Variants in GRM3 observed in about 807,000 individuals in gnomAD.
The protein encoded by GRM3 is metabotropic glutamate receptor 3.
Under a neutral mutation model 70.5 loss-of-function variants are expected in GRM3, and 26 were observed. The ratio of observed to expected loss-of-function variants is 0.37; its 90% CI spans 0.27 to 0.51. The LOEUF (loss-of-function observed/expected upper bound fraction) is 0.51. Ranked by LOEUF, GRM3 falls within the 20% of genes least tolerant of loss-of-function variation. GRM3 has a pLI of 0.93. For synonymous variants in GRM3, 443 were observed against 434.9 expected (o/e 1.02, Z -0.23); for missense variants, 859 against 1,123.8 (o/e 0.76, Z 3.37).
intron 1 of GRM3, among the ~76,000 whole-genome samples, chr7:86,750,567 G>A (rs1396796944): frequency 6.6e-6 from 1 of 151,920 alleles, no homozygotes; most frequent in Admixed American, 6.6e-5. Flanking sequence ...GAAGTGAATG[G>A]ATAAAATCAT....
intron 1 of GRM3, among the ~76,000 whole-genome samples, chr7:86,720,640 T>A (rs1795435747): frequency 6.6e-6 from 1 of 152,100 alleles, no homozygotes; most frequent in African/African-American, 2.4e-5. Flanking sequence ...TTACTACTTA[T>A]CCCCTTCTCA....
At chr7:86,840,838 A>C (rs1798544848) in intron 4 of GRM3, among the ~76,000 whole-genome samples, 2 of 152,278 alleles carry the variant, frequency 1.3e-5, no homozygotes, top group East Asian at 1.9e-4. Context: ...CAGTTGTAAA[A>C]ATCCTCAAAT....
chr7:86,842,708 A>G (rs1798580356), intron 4 of GRM3, among the ~76,000 whole-genome samples: 1 of 152,212 alleles, frequency 6.6e-6, no homozygotes, highest in Admixed American at 6.5e-5. Context: ...AATAAACATA[A>G]GGCATGATTC....
chr7:86,774,913 T>G (rs1422501307), intron 2 of GRM3, among the ~76,000 whole-genome samples: 1 of 152,158 alleles, frequency 6.6e-6, no homozygotes, highest in African/African-American at 2.4e-5. Flanking sequence ...GCATTAAGTC[T>G]ATATTACCTA....
intron 5 of GRM3, among the ~76,000 whole-genome samples, chr7:86,859,044 T>C (rs1798905053): frequency 6.6e-6 from 1 of 152,204 alleles, no homozygotes; most frequent in Non-Finnish European, 1.5e-5. Context: ...TGCAGTGACA[T>C]GATCCTAGCT....
chr7:86,734,972 T>C (rs1380165747), intron 1 of GRM3, among the ~76,000 whole-genome samples: 3 of 152,234 alleles, frequency 2.0e-5, no homozygotes, highest in Non-Finnish European at 2.9e-5. Flanking sequence ...AGGCTTATTA[T>C]TACTATTAGT....
intron 1 of GRM3, among the ~76,000 whole-genome samples, chr7:86,674,057 C>A (rs1056338735): frequency 2.6e-5 from 4 of 152,064 alleles, no homozygotes; most frequent in African/African-American, 9.7e-5. Flanking sequence ...ACACATTGCA[C>A]CAAAATGTAG....
chr7:86,710,717 A>C (rs1795178054), intron 1 of GRM3, among the ~76,000 whole-genome samples: 1 of 152,046 alleles, frequency 6.6e-6, no homozygotes, highest in South Asian at 2.1e-4. Context: ...CAACTCTAGT[A>C]AACAGTGTAT....
intron 1 of GRM3, among the ~76,000 whole-genome samples, chr7:86,667,827 C>T (rs943844113): frequency 1.3e-5 from 2 of 152,168 alleles, no homozygotes; most frequent in African/African-American, 2.4e-5. Flanking sequence ...GTAATACCAA[C>T]TAGCATGTCT....
chr7:86,756,205 A>C (rs1796340167), intron 1 of GRM3, among the ~76,000 whole-genome samples: 2 of 152,072 alleles, frequency 1.3e-5, no homozygotes, highest in African/African-American at 4.8e-5. Context: ...CAGCCTCCCA[A>C]GTAGCTGGGA....
chr7:86,661,379 A>T (rs2299211), intron 1 of GRM3, among the ~76,000 whole-genome samples: 14,688 of 152,020 alleles, frequency 0.097, 789 homozygotes, highest in South Asian at 0.17. Context: ...TCCTTCCCAG[A>T]AACTTTTACT....
chr7:86,679,801 G>T (rs1040166484), intron 1 of GRM3, among the ~76,000 whole-genome samples: 1 of 151,814 alleles, frequency 6.6e-6, no homozygotes, highest in Non-Finnish European at 1.5e-5. Context: ...GGGGAGGTTT[G>T]TTACCTAAAA....
chr7:86,850,177 T>A (rs985051108), intron 4 of GRM3, among the ~76,000 whole-genome samples, 193 bp from the exon 5 acceptor site: 1 of 152,166 alleles, frequency 6.6e-6, no homozygotes, highest in African/African-American at 2.4e-5. Context: ...TGCTTGCAAA[T>A]CCTAAGCAAT....
intron 1 of GRM3, among the ~76,000 whole-genome samples, chr7:86,689,063 T>A (rs918278528): frequency 2.5e-4 from 38 of 150,832 alleles, no homozygotes; most frequent in African/African-American, 8.9e-4. Flanking sequence ...ATCCTCATCC[T>A]GACAGATATT....
intron 1 of GRM3, among the ~76,000 whole-genome samples, chr7:86,729,687 T>A (rs539484634): frequency 3.7e-4 from 57 of 152,354 alleles, no homozygotes; most frequent in African/African-American, 1.3e-3. Flanking sequence ...ATTTGTATGT[T>A]CTTATAGAGT....
intron 1 of GRM3, among the ~76,000 whole-genome samples, chr7:86,760,269 T>C (rs983166292): frequency 2.6e-5 from 4 of 152,162 alleles, no homozygotes; most frequent in Admixed American, 2.6e-4. Context: ...TATTATCATA[T>C]GCAGAGTACA....
chr7:86,734,045 T>C (rs1198258470), intron 1 of GRM3, among the ~76,000 whole-genome samples: 1 of 152,154 alleles, frequency 6.6e-6, no homozygotes, highest in African/African-American at 2.4e-5. Flanking sequence ...ACAGGGAGTA[T>C]CCAGTTTTAC....
intron 4 of GRM3, among the ~76,000 whole-genome samples, chr7:86,842,894 A>C (rs1443038822): frequency 6.6e-6 from 1 of 152,186 alleles, no homozygotes; most frequent in African/African-American, 2.4e-5. Context: ...CACTTCTTGA[A>C]GATGGGATTT....
chr7:86,832,871 C>T (rs1798381991), intron 3 of GRM3, among the ~76,000 whole-genome samples: 1 of 152,116 alleles, frequency 6.6e-6, no homozygotes, highest in South Asian at 2.1e-4. Context: ...TCTCCTGACC[C>T]AAAGCCACAT....
Sources: allele counts gnomAD v4.1 joint callset (sites outside exome capture counted in the v4.1 genomes callset), GRCh38; gene constraint gnomAD v4.1.1; transcripts MANE v1.5; gene names NCBI Gene and HGNC (gene_info 2026-07-23, HGNC 2026-07-21).